The following NAALADL2 variants were observed in gnomAD, a reference collection of about 807,000 sequenced individuals.
NAALADL2 encodes N-acetylated alpha-linked acidic dipeptidase like 2, also known as inactive N-acetylated-alpha-linked acidic dipeptidase-like protein 2.
In NAALADL2, 76 loss-of-function variants were observed where a neutral mutation model predicts 87.2. The observed-to-expected ratio is 0.87, with a 90% CI of 0.72 to 1.05. The LOEUF (loss-of-function observed/expected upper bound fraction) is 1.05, where lower values mean the gene tolerates loss of function less well. Among genes scored for constraint, NAALADL2 ranks in the 50% least tolerant of loss-of-function variants. The pLI is 0.00. For missense variants in NAALADL2, 1,089 were observed against 945.8 expected (o/e 1.15, Z -1.99); for synonymous variants, 354 against 331.0 (o/e 1.07, Z -0.75).
At chr3:174,565,427 G>A (rs1714142901) in intron 2 of NAALADL2, among the ~76,000 whole-genome samples, 1 of 151,966 alleles carries the variant, frequency 6.6e-6, no homozygotes, top group Admixed American at 6.6e-5. Flanking sequence ...TCATCGGAAT[G>A]TAGCCTTTTA....
chr3:174,821,653 A>G (rs1721437861), intron 3 of NAALADL2, among the ~76,000 whole-genome samples: 1 of 152,068 alleles, frequency 6.6e-6, no homozygotes, highest in Non-Finnish European at 1.5e-5. Context: ...TTCCCAGAGG[A>G]CTCAGTGGTT....
intron 2 of NAALADL2, among the ~76,000 whole-genome samples, chr3:175,145,622 T>A (rs1045961111): frequency 3.9e-5 from 6 of 152,194 alleles, no homozygotes; most frequent in African/African-American, 1.2e-4. Context: ...ACTTTGTTCT[T>A]GGCTGATTTG....
chr3:175,201,495 A>G (rs945792548), intron 2 of NAALADL2, among the ~76,000 whole-genome samples: 7 of 152,188 alleles, frequency 4.6e-5, no homozygotes, highest in African/African-American at 1.4e-4. Flanking sequence ...AGCCCCATGG[A>G]ATAATTAACT....
chr3:175,134,485 C>A (rs936158531), intron 2 of NAALADL2, among the ~76,000 whole-genome samples: 1 of 152,138 alleles, frequency 6.6e-6, no homozygotes, highest in African/African-American at 2.4e-5. Context: ...AAAACAGCTG[C>A]AATGTATTGA....
intron 1 of NAALADL2, among the ~76,000 whole-genome samples, chr3:175,028,959 C>T (rs1248267119): frequency 6.6e-6 from 1 of 150,726 alleles, no homozygotes; most frequent in Non-Finnish European, 1.5e-5. Context: ...GTAGTGTAAA[C>T]TATAGTGTTG....
chr3:175,031,415 C>T lies in NAALADL2; in HGVS notation c.44-65375C>T, dbSNP rs144505448. Among the ~76,000 whole-genome samples, 7 of 152,108 alleles carry T rather than the reference C, an allele frequency of 4.6e-5. No individual in the cohort carries two copies. The East Asian group carries it at 1.2e-3, about 25-fold the overall frequency. On this transcript the variant is annotated intron_variant, in intron 1 of 13. Coordinates refer to ENST00000454872, the MANE Select transcript of NAALADL2 (RefSeq NM_207015.3). ...TTAATTCACTTAGGATAATGGCCTTCGCTTGCATCCATGCTGCTGCAGAGG... is the reference window on the plus strand; with the variant it reads ...TTAATTCACTTAGGATAATGGCCTTTGCTTGCATCCATGCTGCTGCAGAGG...
At chr3:175,053,644 C>T (rs1755701275) in intron 1 of NAALADL2, among the ~76,000 whole-genome samples, 2 of 152,178 alleles carry the variant, frequency 1.3e-5, no homozygotes, top group Non-Finnish European at 1.5e-5. Flanking sequence ...TCCTAACTTT[C>T]TGTTATACAA....
At chr3:175,483,454 A>G (rs1726811720) in intron 9 of NAALADL2, among the ~76,000 whole-genome samples, 1 of 150,980 alleles carries the variant, frequency 6.6e-6, no homozygotes. Context: ...GGTACTTATC[A>G]AGTGCTTGTA....
At chr3:174,458,160 A>G (rs1483103054) in intron 1 of NAALADL2, among the ~76,000 whole-genome samples, 1 of 152,198 alleles carries the variant, frequency 6.6e-6, no homozygotes, top group Admixed American at 6.5e-5. Context: ...AATTTTTTTA[A>G]TTTATAAAGT....
intron 2 of NAALADL2, among the ~76,000 whole-genome samples, chr3:175,192,072 T>C (rs1738291445): frequency 6.6e-6 from 1 of 152,106 alleles, no homozygotes; most frequent in African/African-American, 2.4e-5. Context: ...TTATTTGAGG[T>C]GTGCATGTTT....
chr3:175,432,014 A>T (rs531358455), intron 5 of NAALADL2, among the ~76,000 whole-genome samples: 1 of 151,872 alleles, frequency 6.6e-6, no homozygotes, highest in African/African-American at 2.4e-5. Context: ...TCATGCAGCT[A>T]TTACTTCTTG....
At chr3:175,261,295 A>G (rs1007695972) in intron 4 of NAALADL2, among the ~76,000 whole-genome samples, 17 of 152,148 alleles carry the variant, frequency 1.1e-4, no homozygotes, top group African/African-American at 4.1e-4. Flanking sequence ...AATTAATTTT[A>G]TAAAATTCAA....
intron 1 of NAALADL2, among the ~76,000 whole-genome samples, chr3:174,860,374 A>G (rs1184345947): frequency 1.3e-5 from 2 of 152,098 alleles, no homozygotes; most frequent in Non-Finnish European, 2.9e-5. Context: ...ATGCTACTAT[A>G]AAGCATTTTT....
chr3:175,276,969 C>T (rs770139070), intron 4 of NAALADL2, among the ~76,000 whole-genome samples: 2 of 152,072 alleles, frequency 1.3e-5, no homozygotes, highest in African/African-American at 4.8e-5. Context: ...ATGTTGTCAA[C>T]GTCCTTATGG....
At chr3:174,836,310 G>A (rs1465181115) in intron 3 of NAALADL2, among the ~76,000 whole-genome samples, 1 of 151,542 alleles carries the variant, frequency 6.6e-6, no homozygotes. Context: ...AGAGTAGAAG[G>A]GCGTTACTGT....
chr3:175,627,268 G>A (rs1294506613), intron 10 of NAALADL2, 23 bp from the exon 11 acceptor site: 7 of 1,518,454 alleles, frequency 4.6e-6, no homozygotes, highest in East Asian at 2.4e-5. Context: ...AGTTTTAAAT[G>A]TTTCTTTTTT....
At chr3:175,574,733 T>C (rs1182054286) in intron 9 of NAALADL2, among the ~76,000 whole-genome samples, 1 of 152,162 alleles carries the variant, frequency 6.6e-6, no homozygotes, top group African/African-American at 2.4e-5. Context: ...CCTGTAAAGC[T>C]TGGGTCTGAT....
Position 175,275,953 on chromosome 3 carries a change from C to T in NAALADL2, c.939+19423C>T, listed in dbSNP as rs371332853. Among the ~76,000 whole-genome samples, 5 of 151,426 alleles carry T rather than the reference C, an allele frequency of 3.3e-5. No individual in the cohort carries two copies. The East Asian group carries it at 9.6e-4, about 29-fold the overall frequency. On this transcript the variant is annotated intron_variant, in intron 4 of 13. Transcript: ENST00000454872. ...ACCTTATTAACCACCAGAAGTTACA[C>T]CACCATGGCACTTTCATCATATAAA...
chr3:174,709,195 A>G (rs181976264), intron 2 of NAALADL2, among the ~76,000 whole-genome samples: 2 of 152,216 alleles, frequency 1.3e-5, no homozygotes, highest in African/African-American at 4.8e-5. Flanking sequence ...AAATACAGAC[A>G]AGGTAAAAGA....
Sources: allele counts gnomAD v4.1 joint callset (sites outside exome capture counted in the v4.1 genomes callset), GRCh38; gene constraint gnomAD v4.1.1; transcripts MANE v1.5; gene names NCBI Gene and HGNC (gene_info 2026-07-23, HGNC 2026-07-21).